Variants in ZDHHC13 observed in about 807,000 individuals in gnomAD.
ZDHHC13 encodes the protein zDHHC palmitoyltransferase 13.
A neutral mutation model predicts 86.0 loss-of-function variants in ZDHHC13; 85 were observed. The ratio of observed to expected loss-of-function variants is 0.99; its 90% confidence interval spans 0.83 to 1.18. ZDHHC13 has a LOEUF of 1.18. Ranked by LOEUF, ZDHHC13 falls within the 50% of genes most tolerant of loss-of-function variation. The pLI is 0.00. For missense variants in ZDHHC13, 711 were observed against 730.2 expected, an observed-to-expected ratio of 0.97 and a Z score of 0.30; for synonymous variants, 263 against 246.4, an observed-to-expected ratio of 1.07 and a Z score of -0.63.
chr11:19,130,779 G>A (rs1044551306), intron 1 of ZDHHC13, among the ~76,000 whole-genome samples: 17 of 151,902 alleles, frequency 1.1e-4, no homozygotes, highest in African/African-American at 3.6e-4. Flanking sequence ...TGTCTGATGA[G>A]AAGTCTGAGT....
Position 19,158,999 on chromosome 11 carries a change from T to C in ZDHHC13, c.1067T>C (p.Val356Ala). Residue 356 changes from valine (V) to alanine (A), a missense_variant, in exon 10 of 17, where the codon GTT (valine) becomes GCT (alanine). Coordinates refer to ENST00000446113, the MANE Select transcript of ZDHHC13 (RefSeq NM_019028.3). ...YLPTAFLLSS[V>A]FWIFMTWFIL... ...CCAACAGCCTTTCTGCTAAGTTCTG[T>C]TTTTTGGATATTTATGACTTGGTTC... 1.3e-6 allele frequency: 2 copies of C among 1,549,372 alleles called. No individual in the cohort carries two copies. Among genetic ancestry groups the C allele is most frequent in the Non-Finnish European group, 1.7e-6 (2 of 1,146,038 alleles).
intron 14 of ZDHHC13, 112 bp from the exon 15 acceptor site, chr11:19,170,299 G>C (rs1850183052): frequency 6.9e-7 from 1 of 1,451,340 alleles, no homozygotes; most frequent in Non-Finnish European, 9.0e-7. Context: ...ATCATGATCT[G>C]TGCCATACTT....
At position 19,165,119 on chromosome 11, in the gene ZDHHC13, A is replaced by G. The variant is rs761796953; in HGVS notation, c.1364A>G (p.His455Arg). Reference protein sequence around the residue: ...CNCCVARYDQHCLWTGRCIGF... With the variant: ...CNCCVARYDQRCLWTGRCIGF... ...TGCTGTGTGGCTCGATATGATCAAC[A>G]CTGCCTGTGGACTGGACGGTGCATA... Residue 455 changes from histidine to arginine, a missense_variant, in exon 13 of 17, where the codon CAC becomes CGC. His to Arg is a conservative substitution (Grantham distance 29). Transcript: ENST00000446113. 2 of 1,612,732 alleles carry G rather than the reference A, an allele frequency of 1.2e-6. No homozygotes were observed. Among genetic ancestry groups the G allele is most frequent in the Admixed American group, 1.7e-5 (1 of 59,840 alleles).
intron 15 of ZDHHC13, among the ~76,000 whole-genome samples, chr11:19,171,628 A>G (rs906664322): frequency 2.0e-5 from 3 of 152,204 alleles, no homozygotes; most frequent in Non-Finnish European, 4.4e-5. Context: ...TGTGATTATT[A>G]GTATTATCAT....
At chr11:19,132,386 G>GA (rs1849020638) in intron 1 of ZDHHC13, among the ~76,000 whole-genome samples, 1 of 152,186 alleles carries the variant, frequency 6.6e-6, no homozygotes, top group African/African-American at 2.4e-5. Context: ...GATCATCAAA[G>GA]AGTCTCCGCT....
intron 15 of ZDHHC13, among the ~76,000 whole-genome samples, chr11:19,171,099 G>A (rs1418319950): frequency 2.6e-5 from 4 of 152,154 alleles, no homozygotes; most frequent in Non-Finnish European, 5.9e-5. Flanking sequence ...TGTTTAAATG[G>A]ATGAGAGTGG....
In ZDHHC13 at chr11:19,163,441, G is replaced by T. The variant is rs942671103; in HGVS notation, c.1233+14G>T. On this transcript the variant is annotated intron_variant, in intron 11 of 16. Transcript: ENST00000446113. ...GAAAAGAAAGTGGTGAGATTTCTTC[G>T]TTACTGATATTTTTAATAGGAGGGT... 1.3e-6 allele frequency: 2 copies of T among 1,568,596 alleles called. No individual in the cohort carries two copies. The highest frequency in any genetic ancestry group is 2.1e-5 in the Admixed American group (1 of 48,488).
chr11:19,174,609 G>A lies in ZDHHC13; in HGVS notation c.1731-1213G>A, dbSNP rs114476937. ...TAGGCACTTAAAAGATAGAGCATAT[G>A]CGTAAAAATGAGCATTTCTCATAAC... On this transcript the variant is annotated intron_variant, in intron 16 of 16. Coordinates refer to ENST00000446113, the MANE Select transcript of ZDHHC13 (RefSeq NM_019028.3). Among the ~76,000 whole-genome samples the A allele has an allele frequency of 6.3e-3, 962 of 152,340 alleles. 6 individuals carry two copies. The highest frequency in any genetic ancestry group is 0.021 in the African/African-American group (873 of 41,570).
At chr11:19,121,750 C>T (rs1848762664) in intron 1 of ZDHHC13, among the ~76,000 whole-genome samples, 2 of 152,120 alleles carry the variant, frequency 1.3e-5, no homozygotes, top group Non-Finnish European at 2.9e-5. Flanking sequence ...TCAATAGTGA[C>T]TATTGTAATA....
At chr11:19,170,311 C>T (rs1245136532) in intron 14 of ZDHHC13, 100 bp from the exon 15 acceptor site, 5 of 1,451,768 alleles carry the variant, frequency 3.4e-6, no homozygotes, top group African/African-American at 2.9e-5. Flanking sequence ...GCCATACTTT[C>T]TCTTCTCCCT....
intron 2 of ZDHHC13, among the ~76,000 whole-genome samples, chr11:19,144,744 T>A (rs1849413116): frequency 6.6e-6 from 1 of 152,154 alleles, no homozygotes; most frequent in Non-Finnish European, 1.5e-5. Flanking sequence ...CTTGCGGGCT[T>A]ATTGGAACTT....
At chr11:19,135,898 A>G (rs1406848550) in intron 1 of ZDHHC13, among the ~76,000 whole-genome samples, 1 of 151,898 alleles carries the variant, frequency 6.6e-6, no homozygotes, top group Non-Finnish European at 1.5e-5. Context: ...AACAGAAAGG[A>G]CATCCACACC....
intron 1 of ZDHHC13, among the ~76,000 whole-genome samples, chr11:19,134,021 T>A (rs1686824542): frequency 6.7e-6 from 1 of 149,830 alleles, no homozygotes; most frequent in African/African-American, 2.5e-5. Flanking sequence ...AAAATATGAG[T>A]CTCTTTTATA....
intron 8 of ZDHHC13, among the ~76,000 whole-genome samples, chr11:19,153,581 C>T (rs1161059974): frequency 6.6e-6 from 1 of 152,140 alleles, no homozygotes; most frequent in Non-Finnish European, 1.5e-5. Flanking sequence ...CCAGCTCCTC[C>T]ACTTCTCCCC....
chr11:19,140,851 G>T (rs1430123933), intron 1 of ZDHHC13, among the ~76,000 whole-genome samples: 1 of 146,878 alleles, frequency 6.8e-6, no homozygotes, highest in African/African-American at 2.5e-5. Context: ...TCACTCATAG[G>T]TGGGAATTGA....
chr11:19,164,568 C>A, intron 12 of ZDHHC13: 1 of 583,038 alleles, frequency 1.7e-6, no homozygotes, highest in Non-Finnish European at 3.0e-6. Flanking sequence ...TCTCTGGTTA[C>A]ATCTCTCCGT....
chr11:19,139,663 A>C (rs1205578726), intron 1 of ZDHHC13, among the ~76,000 whole-genome samples: 2 of 150,386 alleles, frequency 1.3e-5, no homozygotes, highest in African/African-American at 4.9e-5. Context: ...GACTTCAAAC[A>C]ATACTACAAG....
intron 9 of ZDHHC13, among the ~76,000 whole-genome samples, chr11:19,157,752 G>A (rs1341773634): frequency 6.6e-6 from 1 of 152,182 alleles, no homozygotes. Context: ...TTGGTTGTTC[G>A]TTTATTGTAG....
chr11:19,175,112 G>A (rs1850322911), intron 16 of ZDHHC13, among the ~76,000 whole-genome samples: 1 of 152,014 alleles, frequency 6.6e-6, no homozygotes, highest in African/African-American at 2.4e-5. Flanking sequence ...AGGGAGGCCG[G>A]GTGCGGTGGC....
Sources: gnomAD v4.1 joint callset for allele counts (sites outside exome capture counted in the v4.1 genomes callset) on GRCh38, gnomAD v4.1.1 for gene constraint, MANE v1.5 for transcripts, NCBI Gene and HGNC (gene_info 2026-07-23, HGNC 2026-07-21) for gene names.